RTN1: variants seen among roughly 807,000 people sequenced by gnomAD.
RTN1 encodes the protein reticulon 1, also known as reticulon-1.
RTN1 carries 25 observed loss-of-function variants against 65.5 expected under a neutral mutation model. The ratio of observed to expected loss-of-function variants is 0.38; its 90% CI spans 0.28 to 0.53. RTN1 has a LOEUF of 0.53. Ranked by LOEUF, RTN1 falls within the 20% of genes least tolerant of loss-of-function variation. The probability of loss-of-function intolerance (pLI) is 0.79; values close to 1 mark genes in which losing one functional copy is unlikely to be tolerated. For missense variants in RTN1, 983 were observed against 1,025.4 expected, an observed-to-expected ratio of 0.96 and a Z score of 0.57; for synonymous variants, 471 against 447.6, an observed-to-expected ratio of 1.05 and a Z score of -0.66.
At chr14:59,711,768 G>A (rs781100314) in intron 3 of RTN1, among the ~76,000 whole-genome samples, 12 of 152,232 alleles carry the variant, frequency 7.9e-5, no homozygotes, top group Non-Finnish European at 1.3e-4. Context: ...AGTACTGGGT[G>A]ATGATAAGTG....
At chr14:59,749,975 A>G (rs1315435345) in intron 1 of RTN1, among the ~76,000 whole-genome samples, 1 of 72,576 alleles carries the variant, frequency 1.4e-5, no homozygotes, top group Non-Finnish European at 2.3e-5. Flanking sequence ...TTATATACAT[A>G]TATTATATAT....
At chr14:59,771,723 T>C (rs1349583002) in intron 1 of RTN1, among the ~76,000 whole-genome samples, 2 of 152,200 alleles carry the variant, frequency 1.3e-5, no homozygotes, top group Non-Finnish European at 1.5e-5. Flanking sequence ...ACTCCTCCCA[T>C]ATGGTGAAAT....
At chr14:59,860,348 C>T (rs1285986136) in intron 1 of RTN1, among the ~76,000 whole-genome samples, 2 of 152,200 alleles carry the variant, frequency 1.3e-5, no homozygotes, top group Non-Finnish European at 2.9e-5. Flanking sequence ...CCTTCAAGTT[C>T]ACAGAAATCA....
intron 3 of RTN1, among the ~76,000 whole-genome samples, chr14:59,609,922 G>A (rs1421722266): frequency 1.3e-5 from 2 of 152,140 alleles, no homozygotes; most frequent in Non-Finnish European, 2.9e-5. Flanking sequence ...GTTTTATGAT[G>A]CTCGTACATA....
chr14:59,850,705 T>C (rs1328758634), intron 1 of RTN1, among the ~76,000 whole-genome samples: 1 of 152,206 alleles, frequency 6.6e-6, no homozygotes, highest in Non-Finnish European at 1.5e-5. Flanking sequence ...TTAGTGGTTA[T>C]TATGCAAATA....
At position 59,707,708 on chromosome 14, in the gene RTN1, TACACACAC is replaced by T. The variant is rs34046826; in HGVS notation, c.1765+19203_1765+19210del. Among the ~76,000 whole-genome samples the T allele has an allele frequency of 9.9e-3, 1,448 of 145,768 alleles. 84 individuals carry two copies. In the East Asian group the frequency reaches 0.18, roughly 18 times the overall value. Reference sequence around the variant, plus strand: ...TCTCTTTCCCTCTGTCTCTCTCTTTTACACACACACACACACACACACACACACACACA... The same window carrying T: ...TCTCTTTCCCTCTGTCTCTCTCTTTTACACACACACACACACACACACACA... On this transcript the variant is annotated intron_variant, in intron 3 of 8. Transcript: ENST00000267484.
At chr14:59,770,378 CAAAA>C (rs774086177) in intron 1 of RTN1, among the ~76,000 whole-genome samples, 5 of 53,752 alleles carry the variant, frequency 9.3e-5, no homozygotes, top group African/African-American at 2.8e-4. Context: ...AACTCTGCCT[CAAAA>C]AAAAAAAAAA....
chr14:59,650,232 A>C (rs1882994034), intron 3 of RTN1, among the ~76,000 whole-genome samples: 1 of 152,198 alleles, frequency 6.6e-6, no homozygotes, highest in Non-Finnish European at 1.5e-5. Flanking sequence ...GGGGAACATC[A>C]CACACCAGGG....
chr14:59,631,611 C>T (rs1352903671), intron 3 of RTN1, among the ~76,000 whole-genome samples: 1 of 152,076 alleles, frequency 6.6e-6, no homozygotes, highest in Non-Finnish European at 1.5e-5. Context: ...TAAATCTTAC[C>T]ATAAACTACT....
At chr14:59,613,806 G>GAA (rs34219803) in intron 3 of RTN1, among the ~76,000 whole-genome samples, 28 of 147,322 alleles carry the variant, frequency 1.9e-4, no homozygotes, top group South Asian at 4.3e-4. Context: ...CCCTGTTTTG[G>GAA]AAAAAAAAAA....
At chr14:59,597,977 T>C (rs1881456902) in intron 8 of RTN1, among the ~76,000 whole-genome samples, 1 of 152,086 alleles carries the variant, frequency 6.6e-6, no homozygotes, top group Non-Finnish European at 1.5e-5. Flanking sequence ...GTGAGGAGTT[T>C]AGATTCTACC....
intron 3 of RTN1, among the ~76,000 whole-genome samples, chr14:59,709,509 G>A (rs913404394): frequency 6.6e-6 from 1 of 152,170 alleles, no homozygotes; most frequent in Admixed American, 6.5e-5. Context: ...TTTCTAGAGT[G>A]AGCGGATGCA....
At chr14:59,845,555 T>C (rs1328439386) in intron 1 of RTN1, among the ~76,000 whole-genome samples, 1 of 152,170 alleles carries the variant, frequency 6.6e-6, no homozygotes, top group Non-Finnish European at 1.5e-5. Context: ...CCTTCCACAT[T>C]GCTGGAGTGC....
At chr14:59,797,371 T>A (rs907000882) in intron 1 of RTN1, among the ~76,000 whole-genome samples, 1 of 152,144 alleles carries the variant, frequency 6.6e-6, no homozygotes, top group Non-Finnish European at 1.5e-5. Context: ...AATTAAAAGA[T>A]CAGCTTTGAA....
chr14:59,741,414 T>G (rs1242030826), intron 2 of RTN1, among the ~76,000 whole-genome samples: 1 of 152,184 alleles, frequency 6.6e-6, no homozygotes, highest in Admixed American at 6.6e-5. Context: ...TATAACTACC[T>G]GATATTATAT....
intron 1 of RTN1, among the ~76,000 whole-genome samples, chr14:59,865,399 T>A (rs935481818): frequency 1.3e-5 from 2 of 152,220 alleles, no homozygotes; most frequent in African/African-American, 2.4e-5. Flanking sequence ...ACTGATCTCA[T>A]CAAAGTAGTA....
intron 3 of RTN1, among the ~76,000 whole-genome samples, chr14:59,674,707 G>T (rs1226296333): frequency 6.6e-6 from 1 of 152,134 alleles, no homozygotes; most frequent in East Asian, 1.9e-4. Context: ...GGAGTTCAGA[G>T]CTTTATACTG....
At position 59,649,045 on chromosome 14, in the gene RTN1, G is replaced by A. The variant is rs11625789; in HGVS notation, c.1766-41553C>T. Among the ~76,000 whole-genome samples, 826 of 152,248 alleles carry A rather than the reference G, an allele frequency of 5.4e-3. 8 individuals are homozygous for A. The highest frequency in any genetic ancestry group is 0.017 in the African/African-American group (709 of 41,538). On this transcript the variant is annotated intron_variant, in intron 3 of 8. Coordinates refer to ENST00000267484, the MANE Select transcript of RTN1 (RefSeq NM_021136.3). ...AGAGTAACCAAAACAGTATGGTACTGGTACCAAAACAGATATATAGACCAA... is the reference window on the plus strand; with the variant it reads ...AGAGTAACCAAAACAGTATGGTACTAGTACCAAAACAGATATATAGACCAA...
chr14:59,785,436 T>TC, intron 1 of RTN1, among the ~76,000 whole-genome samples: 2 of 152,332 alleles, frequency 1.3e-5, no homozygotes, highest in Middle Eastern at 3.4e-3. Context: ...AAATAAAACT[T>TC]CCCAGATCTG....
Sources: gnomAD v4.1 joint callset for allele counts (sites outside exome capture counted in the v4.1 genomes callset) on GRCh38, gnomAD v4.1.1 for gene constraint, MANE v1.5 for transcripts, NCBI Gene and HGNC (gene_info 2026-07-23, HGNC 2026-07-21) for gene names.